The following CFAP161 variants were observed in gnomAD, a reference collection of about 807,000 sequenced individuals.
CFAP161 encodes cilia- and flagella-associated protein 161.
In CFAP161, 25 loss-of-function variants were observed where a neutral mutation model predicts 29.0. The observed-to-expected ratio is 0.86, with a 90% CI of 0.63 to 1.20. The LOEUF (loss-of-function observed/expected upper bound fraction) is 1.20, where lower values mean the gene tolerates loss of function less well. Ranked by LOEUF, CFAP161 falls within the 50% of genes most tolerant of loss-of-function variation. CFAP161 has a pLI of 0.00. For missense variants in CFAP161, 367 were observed against 371.9 expected, an observed-to-expected ratio of 0.99 and a Z score of 0.11; for synonymous variants, 116 against 137.4, an observed-to-expected ratio of 0.84 and a Z score of 1.09.
intron 2 of CFAP161, 80 bp from the exon 3 acceptor site, chr15:81,136,436 C>A (rs77456811): frequency 7.8e-7 from 1 of 1,288,606 alleles, no homozygotes; most frequent in South Asian, 1.3e-5. Context: ...GGTACTAGTC[C>A]GAGAAGGAAG....
chr15:81,116,615 T>A (rs1046005977), intron 1 of CFAP161, among the ~76,000 whole-genome samples: 10 of 152,184 alleles, frequency 6.6e-5, no homozygotes, highest in Non-Finnish European at 1.2e-4. Context: ...TATTTCAACA[T>A]CTTGGGAAAA....
intron 2 of CFAP161, among the ~76,000 whole-genome samples, chr15:81,128,149 G>A (rs1894664440): frequency 6.6e-6 from 1 of 152,158 alleles, no homozygotes; most frequent in African/African-American, 2.4e-5. Context: ...AGGCATATAA[G>A]TGTGAGAACC....
intron 1 of CFAP161, among the ~76,000 whole-genome samples, chr15:81,121,514 A>G (rs1220671866): frequency 1.3e-5 from 2 of 151,518 alleles, no homozygotes; most frequent in Non-Finnish European, 2.9e-5. Context: ...TTCATCAAAA[A>G]CACATCTGAC....
chr15:81,136,865 G>C (rs1019950726), intron 3 of CFAP161, 117 bp downstream of exon 3: 1 of 823,136 alleles, frequency 1.2e-6, no homozygotes, highest in Non-Finnish European at 1.9e-6. Flanking sequence ...AACATTTTTC[G>C]TGATTTTCAT....
intron 1 of CFAP161, among the ~76,000 whole-genome samples, chr15:81,125,884 TTTTGAG>T (rs1894634792): frequency 6.6e-6 from 1 of 152,070 alleles, no homozygotes. Context: ...TTGTTTTTGT[TTTTGAG>T]ATGGAGTCTC....
chr15:81,123,726 T>G (rs1344314642), intron 1 of CFAP161, among the ~76,000 whole-genome samples: 1 of 152,206 alleles, frequency 6.6e-6, no homozygotes, highest in Non-Finnish European at 1.5e-5. Flanking sequence ...AGCAGTGGTT[T>G]GTAGTTCTCC....
At position 81,127,198 on chromosome 15, in the gene CFAP161, A is replaced by C. The variant is rs1398313345; in HGVS notation, c.-141-392A>C. On this transcript the variant is annotated intron_variant, in intron 1 of 4. Transcript: ENST00000560091. ...ATGTCAGAGAACATCAGGAATTTAG[A>C]CCCGTGTTTTAGATGATGGTGATTG... Among the ~76,000 whole-genome samples, 5 of 152,302 alleles carry C rather than the reference A, an allele frequency of 3.3e-5. No homozygotes were observed. In the East Asian group the frequency reaches 9.6e-4, roughly 29 times the overall value.
intron 1 of CFAP161, among the ~76,000 whole-genome samples, chr15:81,103,427 T>G (rs1254833838): frequency 1.3e-5 from 2 of 151,980 alleles, no homozygotes; most frequent in African/African-American, 4.8e-5. Flanking sequence ...GATCCCACCC[T>G]ATATCCTGGA....
At chr15:81,117,768 G>T in intron 1 of CFAP161, 1 of 296,270 alleles carries the variant, frequency 3.4e-6, no homozygotes, top group Non-Finnish European at 6.7e-6. Flanking sequence ...CCTCCTCGCT[G>T]ACTTCATCTT....
At chr15:81,127,482 C>T (rs1402697876) in intron 1 of CFAP161, 2 of 152,080 alleles carry the variant, frequency 1.3e-5, no homozygotes, top group Non-Finnish European at 2.9e-5. Context: ...CAAGAGTACT[C>T]AATCTGGAAA....
rs1894426522 is a variant in CFAP161, at chr15:81,110,487, TG to T, written c.-141-17102del. On this transcript the variant is annotated intron_variant, in intron 1 of 4. Coordinates refer to the CFAP161 transcript ENST00000560091. ...AGGGTGCTGTTCTCCTGGTCACCCT[TG>T]CCTCTGGGTGCTTCTGGAGAATGCA... Among the ~76,000 whole-genome samples, 7 of 152,224 alleles carry T rather than the reference TG, an allele frequency of 4.6e-5. 1 individual carries two copies. The South Asian group carries it at 1.5e-3, about 32-fold the overall frequency.
At chr15:81,144,705 T>A (rs2141885525) in intron 5 of CFAP161, among the ~76,000 whole-genome samples, 1 of 151,656 alleles carries the variant, frequency 6.6e-6, no homozygotes, top group East Asian at 1.9e-4. Context: ...GAGGATCACC[T>A]GAGCCTGGGA....
chr15:81,137,891 A>G (rs1465165760), intron 3 of CFAP161, among the ~76,000 whole-genome samples, 160 bp from the exon 4 acceptor site: 2 of 152,238 alleles, frequency 1.3e-5, no homozygotes, highest in East Asian at 1.9e-4. Context: ...AGACCAAAAG[A>G]AAACACCTTT....
rs1024923495 is a variant in CFAP161 at position 81,103,039 on chromosome 15, G to A, written c.-141-24551G>A. ...ATCTTAGCCTCACTGAAGGGCAGCC[G>A]CTGGAGAAAGAGAAGACCGAGGAAG... On this transcript the variant is annotated intron_variant, in intron 1 of 4. Transcript: ENST00000560091. Among the ~76,000 whole-genome samples, 7 of 151,040 alleles carry A rather than the reference G, an allele frequency of 4.6e-5. No homozygotes were observed. In the South Asian group the frequency reaches 6.3e-4, roughly 14 times the overall value.
upstream of CFAP161, among the ~76,000 whole-genome samples, chr15:81,132,318 C>T (rs1329227613): frequency 6.6e-6 from 1 of 151,888 alleles, no homozygotes; most frequent in Admixed American, 6.6e-5. Flanking sequence ...AGTAGGATGG[C>T]ATATTTAAAA....
chr15:81,134,865 C>T (rs1894781071), intron 1 of CFAP161, among the ~76,000 whole-genome samples: 1 of 152,188 alleles, frequency 6.6e-6, no homozygotes. Context: ...TACTCACTCA[C>T]TGCCTCGTAT....
intron 1 of CFAP161, among the ~76,000 whole-genome samples, chr15:81,104,223 T>A (rs1039989739): frequency 1.3e-5 from 2 of 152,198 alleles, no homozygotes; most frequent in Admixed American, 1.3e-4. Context: ...AGCAGTAGAA[T>A]TCAGCATGGA....
chr15:81,111,375 A>G (rs867660784), intron 1 of CFAP161, among the ~76,000 whole-genome samples: 11 of 152,302 alleles, frequency 7.2e-5, no homozygotes, highest in Middle Eastern at 6.8e-3. Flanking sequence ...ATCACTTTTG[A>G]TTCTTTTCTT....
chr15:81,121,551 T>TTA (rs1352129963), intron 1 of CFAP161, among the ~76,000 whole-genome samples: 53 of 151,454 alleles, frequency 3.5e-4, no homozygotes, highest in African/African-American at 8.2e-4. Flanking sequence ...AAATACAAAG[T>TTA]TATATATATA....
Sources: allele counts gnomAD v4.1 joint callset (sites outside exome capture counted in the v4.1 genomes callset), GRCh38; gene constraint gnomAD v4.1.1; transcripts MANE v1.5; gene names NCBI Gene and HGNC (gene_info 2026-07-23, HGNC 2026-07-21).